The following SGIP1 variants were observed in gnomAD, a reference collection of about 807,000 sequenced individuals.
The protein encoded by SGIP1 is SH3-containing GRB2-like protein 3-interacting protein 1.
In SGIP1, 38 loss-of-function variants were observed where a neutral mutation model predicts 107.5. The ratio of observed to expected loss-of-function variants is 0.35; its 90% confidence interval spans 0.27 to 0.46. SGIP1 has a LOEUF of 0.46. SGIP1 is among the 20% of genes least tolerant of loss of function. The pLI is 1.00. For synonymous variants in SGIP1, 365 were observed against 366.1 expected, an observed-to-expected ratio of 1.00 and a Z score of 0.03; for missense variants, 929 against 1,019.5, an observed-to-expected ratio of 0.91 and a Z score of 1.21.
chr1:66,747,550 A>G lies in SGIP1; in HGVS notation c.*4455A>G, dbSNP rs2094569799. The G allele has an allele frequency of 6.6e-6, 1 of 152,032 alleles. No individual in the cohort carries two copies. Among genetic ancestry groups the G allele is most frequent in the South Asian group, 2.1e-4 (1 of 4,834 alleles). The allele number at this position is 152,032 out of a possible 1,614,324, so 9.4% of individuals were successfully genotyped here. A position where few individuals can be genotyped will look rare whatever the true frequency, so the allele number is the denominator to read the frequency against. On this transcript the variant is annotated 3_prime_UTR_variant, in exon 25 of 25. Coordinates refer to ENST00000371037, the MANE Select transcript of SGIP1 (RefSeq NM_032291.4). ...GAAGGGAAGTTGCAAGCTGTTATTT[A>G]TTCAAATACAAAATCCTAATCAATG...
At position 66,749,234 on chromosome 1, in the gene SGIP1, G is replaced by A. The variant is rs546532808; in HGVS notation, c.*6139G>A. ...TTGAAGATGTTTCCAATTCTTTGCC[G>A]TGTGGAATTAATGCCAGTGAATAAT... is the stretch of plus-strand genomic sequence containing the variant. On this transcript the variant is annotated 3_prime_UTR_variant, in exon 25 of 25. Transcript: ENST00000371037. Among the ~76,000 whole-genome samples the A allele has an allele frequency of 1.1e-3, 166 of 152,066 alleles. No homozygotes were observed. The highest frequency in any genetic ancestry group is 2.8e-3 in the African/African-American group (115 of 41,532).
At chr1:66,554,109 A>G (rs771814769) in intron 1 of SGIP1, among the ~76,000 whole-genome samples, 1 of 152,116 alleles carries the variant, frequency 6.6e-6, no homozygotes, top group Admixed American at 6.6e-5. Context: ...CACTGAGCAA[A>G]TCCTCTAAGG....
At chr1:66,641,254 T>A (rs187060178) in intron 5 of SGIP1, among the ~76,000 whole-genome samples, 1 of 152,312 alleles carries the variant, frequency 6.6e-6, no homozygotes, top group Admixed American at 6.5e-5. Flanking sequence ...AATGTAAATT[T>A]AACCGTAGTA....
At chr1:66,590,631 C>A (rs1418547812) in intron 1 of SGIP1, 1 of 152,060 alleles carries the variant, frequency 6.6e-6, no homozygotes, top group Non-Finnish European at 1.5e-5. Flanking sequence ...CCCGATACAT[C>A]TAGATCGTAG....
intron 14 of SGIP1, among the ~76,000 whole-genome samples, chr1:66,680,757 G>A (rs2086524394): frequency 6.6e-6 from 1 of 152,092 alleles, no homozygotes; most frequent in African/African-American, 2.4e-5. Flanking sequence ...CTGTAGCCTT[G>A]GAACCTTGAA....
At chr1:66,594,052 T>C (rs2064154559) in intron 1 of SGIP1, among the ~76,000 whole-genome samples, 1 of 152,198 alleles carries the variant, frequency 6.6e-6, no homozygotes, top group Non-Finnish European at 1.5e-5. Context: ...TGTTTTTCTT[T>C]CTTCACAACT....
rs976869454 is a variant in SGIP1, at chr1:66,749,751, T to C, written c.*6656T>C. Among the ~76,000 whole-genome samples the C allele has an allele frequency of 3.3e-5, 5 of 152,128 alleles. No individual in the cohort carries two copies. The highest frequency in any genetic ancestry group is 2.6e-4 in the Admixed American group (4 of 15,276). Reference sequence around the variant, plus strand: ...TTCAGTTTTACATTACTTTTATGAATTTTTTTTCTCGCAAAGTAAATGCTT... The same window carrying C: ...TTCAGTTTTACATTACTTTTATGAACTTTTTTTCTCGCAAAGTAAATGCTT... On this transcript the variant is annotated 3_prime_UTR_variant, in exon 25 of 25. Coordinates refer to ENST00000371037, the MANE Select transcript of SGIP1 (RefSeq NM_032291.4).
At position 66,589,359 on chromosome 1, in the gene SGIP1, C is replaced by CA. The variant is rs5774824; in HGVS notation, c.11-36476dup. Reference sequence around the variant, plus strand: ...TTTGTTTTCTTAAATAATTTGGGCACAAAAAAAAAAAAGAAATTCTGTTCT... The same window carrying CA: ...TTTGTTTTCTTAAATAATTTGGGCACAAAAAAAAAAAAAGAAATTCTGTTCT... On this transcript the variant is annotated intron_variant, in intron 1 of 24. Coordinates refer to ENST00000371037, the MANE Select transcript of SGIP1 (RefSeq NM_032291.4). Among the ~76,000 whole-genome samples, 640 of 131,480 alleles carry CA rather than the reference C, an allele frequency of 4.9e-3. 5 individuals are homozygous for CA. The highest frequency in any genetic ancestry group is 0.026 in the South Asian group (108 of 4,218). The allele number at this position is 131,480 out of a possible 152,430, so 86.3% of individuals were successfully genotyped here.
intron 20 of SGIP1, among the ~76,000 whole-genome samples, chr1:66,732,829 A>G (rs1054641745): frequency 2.0e-5 from 3 of 152,118 alleles, no homozygotes; most frequent in African/African-American, 7.2e-5. Flanking sequence ...TATAATGCCT[A>G]GCATATAATA....
At chr1:66,670,785 T>A (rs529566301) in intron 9 of SGIP1, among the ~76,000 whole-genome samples, 23 of 152,328 alleles carry the variant, frequency 1.5e-4, no homozygotes, top group Admixed American at 6.5e-4. Flanking sequence ...CGATTTACCC[T>A]TTCTTCCTCT....
chr1:66,690,043 A>T (rs959135522), intron 16 of SGIP1, 147 bp from the exon 17 acceptor site: 3 of 914,886 alleles, frequency 3.3e-6, no homozygotes, highest in Non-Finnish European at 5.0e-6. Context: ...TCTCATATAG[A>T]TAGAATTAAT....
chr1:66,637,904 A>C (rs952673727), intron 4 of SGIP1, among the ~76,000 whole-genome samples: 3 of 151,436 alleles, frequency 2.0e-5, no homozygotes, highest in Non-Finnish European at 4.4e-5. Flanking sequence ...GTTTAGCTGA[A>C]CATATAAGCC....
intron 1 of SGIP1, among the ~76,000 whole-genome samples, chr1:66,588,098 G>T (rs2148832844): frequency 6.6e-6 from 1 of 152,236 alleles, no homozygotes; most frequent in South Asian, 2.1e-4. Flanking sequence ...ATTTATGGAA[G>T]TATGCTCTGT....
intron 19 of SGIP1, among the ~76,000 whole-genome samples, chr1:66,722,844 A>C (rs2093603982): frequency 6.6e-6 from 1 of 152,150 alleles, no homozygotes; most frequent in Admixed American, 6.5e-5. Flanking sequence ...TGTAAGCTTG[A>C]TGTCTGCGGC....
At chr1:66,710,133 A>T (rs2092813553) in intron 18 of SGIP1, among the ~76,000 whole-genome samples, 1 of 152,086 alleles carries the variant, frequency 6.6e-6, no homozygotes, top group African/African-American at 2.4e-5. Context: ...AACATTTTTG[A>T]AAAGTTTTTG....
chr1:66,714,769 C>T (rs1206638158), intron 18 of SGIP1, among the ~76,000 whole-genome samples: 1 of 152,178 alleles, frequency 6.6e-6, no homozygotes, highest in East Asian at 1.9e-4. Context: ...TCTTAACTTG[C>T]AGATCTATAG....
At chr1:66,549,462 G>C (rs943483760) in intron 1 of SGIP1, among the ~76,000 whole-genome samples, 1 of 152,126 alleles carries the variant, frequency 6.6e-6, no homozygotes, top group Non-Finnish European at 1.5e-5. Context: ...TGGGATTCTC[G>C]AAGAGCTTTT....
chr1:66,706,546 G>T (rs1162498270), intron 18 of SGIP1, among the ~76,000 whole-genome samples: 1 of 149,584 alleles, frequency 6.7e-6, no homozygotes, highest in Admixed American at 6.7e-5. Flanking sequence ...TAAATGTAAA[G>T]ATGACAAAAG....
At chr1:66,661,971 C>T (rs1248286210) in intron 8 of SGIP1, among the ~76,000 whole-genome samples, 1 of 152,102 alleles carries the variant, frequency 6.6e-6, no homozygotes, top group East Asian at 1.9e-4. Context: ...CTTTGTTTCT[C>T]TTCCCAAATG....
Sources: gnomAD v4.1 joint callset for allele counts (sites outside exome capture counted in the v4.1 genomes callset) on GRCh38, gnomAD v4.1.1 for gene constraint, MANE v1.5 for transcripts, NCBI Gene and HGNC (gene_info 2026-07-23, HGNC 2026-07-21) for gene names.